RXRA: variants seen among roughly 807,000 people sequenced by gnomAD.
The protein encoded by RXRA is retinoid X receptor alpha.
In RXRA, 5 loss-of-function variants were observed where a neutral mutation model predicts 44.5. The ratio of observed to expected loss-of-function variants is 0.11; its 90% CI spans 0.06 to 0.24. The LOEUF is 0.24. RXRA is among the 10% of genes least tolerant of loss of function. RXRA has a pLI of 1.00. For synonymous variants in RXRA, 291 were observed against 271.4 expected, an observed-to-expected ratio of 1.07 and a Z score of -0.71; for missense variants, 412 against 646.5, an observed-to-expected ratio of 0.64 and a Z score of 3.93.
In RXRA at chr9:134,421,726, C is replaced by T; in HGVS notation, c.831C>T (p.Phe277=). 1.9e-6 allele frequency: 3 copies of T among 1,585,010 alleles called. No homozygotes were observed. The highest frequency in any genetic ancestry group is 2.2e-5 in the South Asian group (2 of 88,900). ...NICQAADKQL[F]TLVEWAKRIP... is the part of the protein sequence containing the mutation. ...GCCAAGCAGCCGACAAACAGCTTTT[C>T]ACCCTGGTGGAGTGGGCCAAGCGGA... Residue 277 remains phenylalanine (F), a synonymous_variant, in exon 6 of 10, where the codon TTC becomes TTT. Coordinates refer to ENST00000481739, the MANE Select transcript of RXRA (RefSeq NM_002957.6).
intron 1 of RXRA, among the ~76,000 whole-genome samples, chr9:134,384,029 A>G (rs553695049): frequency 3.3e-5 from 5 of 152,228 alleles, no homozygotes; most frequent in Non-Finnish European, 7.4e-5. Context: ...ACAAAAGCCT[A>G]TCTTCTCCTC....
At chr9:134,380,218 C>T (rs1830622398) in intron 1 of RXRA, 1 of 979,254 alleles carries the variant, frequency 1.0e-6, no homozygotes, top group African/African-American at 1.8e-5. Context: ...GCGTGCCGGC[C>T]CCGTGAGTCA....
rs1299115230 is a variant in RXRA at position 134,409,125 on chromosome 9, C to G, written c.610+6C>G. The G allele has an allele frequency of 6.5e-7, 1 of 1,549,362 alleles. No homozygotes were observed. Among genetic ancestry groups the G allele is most frequent in the Non-Finnish European group, 8.7e-7 (1 of 1,144,814 alleles). The stretch of plus-strand genomic sequence containing the variant: ...CATGGGCATGAAGCGGGAAGGTAGG[C>G]CACGGCGTCGGGTGGGGGCGCGGGC... On this transcript the variant is annotated splice_donor_region_variant and intron_variant, in intron 4 of 9. Transcript: ENST00000481739.
At chr9:134,338,916 C>T (rs1554747699) in intron 1 of RXRA, among the ~76,000 whole-genome samples, 2 of 152,240 alleles carry the variant, frequency 1.3e-5, no homozygotes, top group African/African-American at 4.8e-5. Flanking sequence ...ACCCCTCTGC[C>T]CTCCCTCAGG....
In RXRA at chr9:134,365,373, C is replaced by T. The variant is rs553084144; in HGVS notation, c.29-36259C>T. Among the ~76,000 whole-genome samples, 3 of 152,292 alleles carry T rather than the reference C, an allele frequency of 2.0e-5. No individual in the cohort carries two copies. The highest frequency in any genetic ancestry group is 6.5e-5 in the Admixed American group (1 of 15,308). On this transcript the variant is annotated intron_variant, in intron 1 of 9. Coordinates refer to ENST00000481739, the MANE Select transcript of RXRA (RefSeq NM_002957.6). This position sits in a 1 kb window ranked among gnomAD's most constrained non-coding sequence, Gnocchi z 4.0. ...TTGGGTCTCTGGTGAGCTCAGGGAG[C>T]GGGGTCCACGTTGCCTGGCCCAGGT... is the stretch of plus-strand genomic sequence containing the variant.
chr9:134,386,210 C>T (rs867021604), intron 1 of RXRA, among the ~76,000 whole-genome samples: 3 of 152,368 alleles, frequency 2.0e-5, no homozygotes, highest in South Asian at 2.1e-4. Flanking sequence ...CCTTCCTGCC[C>T]GCTCAGCCGC....
chr9:134,422,612 T>C (rs1488917579), intron 6 of RXRA: 284 of 882,722 alleles, frequency 3.2e-4, no homozygotes, highest in Admixed American at 5.0e-4. Flanking sequence ...CCCAGGACGC[T>C]CCCCACTCCC....
chr9:134,384,031 C>T (rs1211710960), intron 1 of RXRA, among the ~76,000 whole-genome samples: 1 of 152,184 alleles, frequency 6.6e-6, no homozygotes, highest in Admixed American at 6.5e-5. Flanking sequence ...AAAAGCCTAT[C>T]TTCTCCTCAC....
intron 6 of RXRA, chr9:134,425,592 G>C: frequency 1.1e-6 from 1 of 937,164 alleles, no homozygotes; most frequent in Non-Finnish European, 1.3e-6. Context: ...GGAAGTGGGC[G>C]GGCCTTGCTG....
chr9:134,351,379 G>A (rs1830219696), intron 1 of RXRA, among the ~76,000 whole-genome samples: 2 of 152,174 alleles, frequency 1.3e-5, no homozygotes, highest in South Asian at 4.1e-4. Context: ...TCCCGGGCCC[G>A]GCAGGCTGGT....
chr9:134,355,615 C>G (rs1443440536), intron 1 of RXRA, among the ~76,000 whole-genome samples: 1 of 152,038 alleles, frequency 6.6e-6, no homozygotes, highest in East Asian at 1.9e-4. Context: ...CACCACTGTC[C>G]ACAGACAGGT....
chr9:134,385,307 G>A (rs1830703166), intron 1 of RXRA, among the ~76,000 whole-genome samples: 1 of 152,234 alleles, frequency 6.6e-6, no homozygotes, highest in African/African-American at 2.4e-5. Context: ...CTGTGCCTTG[G>A]AAGAAAGCCC....
At chr9:134,328,017 G>A (rs1324230007) in intron 1 of RXRA, among the ~76,000 whole-genome samples, 1 of 152,154 alleles carries the variant, frequency 6.6e-6, no homozygotes, top group Admixed American at 6.5e-5. Flanking sequence ...GATACAAGGT[G>A]GTGGATTTGG....
chr9:134,381,790 G>A (rs756771998), intron 1 of RXRA, among the ~76,000 whole-genome samples: 11 of 152,248 alleles, frequency 7.2e-5, no homozygotes, highest in Non-Finnish European at 1.3e-4. Flanking sequence ...AATTAGCCCC[G>A]ACCTCCCCGG....
chr9:134,326,921 G>T (rs1323294508), intron 1 of RXRA, among the ~76,000 whole-genome samples: 28 of 150,268 alleles, frequency 1.9e-4, no homozygotes, highest in Admixed American at 1.1e-3. Flanking sequence ...CCGGGACGAG[G>T]AGGGGTCTCC....
At chr9:134,434,234 C>G (rs1407596866) in intron 9 of RXRA, 27 bp downstream of exon 9, 1 of 1,535,056 alleles carries the variant, frequency 6.5e-7, no homozygotes, top group South Asian at 1.1e-5. Flanking sequence ...CCCACACACA[C>G]CCCAGACCCA....
chr9:134,426,372 T>C lies in RXRA; in HGVS notation c.911-2736T>C. On this transcript the variant is annotated intron_variant, in intron 6 of 9. Transcript: ENST00000481739. This position sits in a 1 kb window ranked among gnomAD's most constrained non-coding sequence, Gnocchi z 4.6. ...TGTAAAGTGGGTTCCTCTCCTATTT[T>C]TCTCTTACATCCGAGAAGGAGGAGG... is the stretch of plus-strand genomic sequence containing the variant. 1 of 985,454 alleles carries C rather than the reference T, an allele frequency of 1.0e-6. No individual in the cohort carries two copies. The allele number at this position is 985,454 out of a possible 1,614,324, so 61.0% of individuals were successfully genotyped here. A position where few individuals can be genotyped will look rare whatever the true frequency, so the allele number is the denominator to read the frequency against.
rs1564270578 is a variant in RXRA, at chr9:134,363,654, G to A, written c.28+36995G>A. Reference sequence around the variant, plus strand: ...GACGGGCACTGTGCCGCACCTGTGCGGCACCGGGTGTGGCTGGCACGGTTT... The same window carrying A: ...GACGGGCACTGTGCCGCACCTGTGCAGCACCGGGTGTGGCTGGCACGGTTT... On this transcript the variant is annotated intron_variant, in intron 1 of 9. Coordinates refer to ENST00000481739, the MANE Select transcript of RXRA (RefSeq NM_002957.6). Among the ~76,000 whole-genome samples, 6 of 152,206 alleles carry A rather than the reference G, an allele frequency of 3.9e-5. 1 individual carries two copies. Among genetic ancestry groups the A allele is most frequent in the Admixed American group, 1.3e-4 (2 of 15,290 alleles).
At chr9:134,431,148 G>A (rs1015247228) in intron 7 of RXRA, among the ~76,000 whole-genome samples, 2 of 152,178 alleles carry the variant, frequency 1.3e-5, no homozygotes, top group East Asian at 3.9e-4. Flanking sequence ...CCTTTCCCCC[G>A]CTGTGGCCCA....
Sources: allele counts gnomAD v4.1 joint callset (sites outside exome capture counted in the v4.1 genomes callset), GRCh38; gene constraint gnomAD v4.1.1; non-coding constraint Gnocchi (gnomAD v3.1); transcripts MANE v1.5; gene names NCBI Gene and HGNC (gene_info 2026-07-23, HGNC 2026-07-21).